SCNN1G: variants seen among roughly 807,000 people sequenced by gnomAD.
SCNN1G encodes the protein epithelial sodium channel subunit gamma.
Under a neutral mutation model 64.6 loss-of-function variants are expected in SCNN1G, and 27 were observed. The observed-to-expected ratio is 0.42, with a 90% CI of 0.31 to 0.58. The LOEUF is 0.58. Among genes scored for constraint, SCNN1G ranks in the 20% least tolerant of loss-of-function variants. The pLI is 0.18. For missense variants in SCNN1G, 743 were observed against 823.4 expected (o/e 0.90, Z 1.19); for synonymous variants, 330 against 314.2 (o/e 1.05, Z -0.53).
intron 4 of SCNN1G, among the ~76,000 whole-genome samples, chr16:23,193,176 A>G (rs1488267448): frequency 4.6e-5 from 7 of 151,630 alleles, no homozygotes; most frequent in Admixed American, 1.3e-4. Flanking sequence ...CTAACCTTGT[A>G]TATTACCATC....
At chr16:23,211,671 G>A (rs1960081178) in intron 7 of SCNN1G, among the ~76,000 whole-genome samples, 1 of 152,090 alleles carries the variant, frequency 6.6e-6, no homozygotes. Context: ...AATTAGCTGG[G>A]CATGGTGGTG....
chr16:23,186,547 G>A lies in SCNN1G; in HGVS notation c.276G>A (p.Leu92=), dbSNP rs1195430410. The A allele has an allele frequency of 1.2e-6, 2 of 1,613,530 alleles. No individual in the cohort carries two copies. Among genetic ancestry groups the A allele is most frequent in the East Asian group, 2.2e-5 (1 of 44,888 alleles). ...CCATCAAAGTCCACTTCCGGAAGCTGGATTTTCCTGCAGTCACCATCTGCA... is the reference window on the plus strand; with the variant it reads ...CCATCAAAGTCCACTTCCGGAAGCTAGATTTTCCTGCAGTCACCATCTGCA... ...SVSIKVHFRK[L]DFPAVTICNI... The change falls in exon 2 of 13, where the codon CTG becomes CTA. Residue 92 remains leucine (L), a synonymous_variant. Coordinates refer to ENST00000300061, the MANE Select transcript of SCNN1G (RefSeq NM_001039.4).
chr16:23,213,094 CGTTGT>C lies in SCNN1G; in HGVS notation c.1432-7_1432-3del. ...CCCTCAGGCCCACGCTTTCTCTCTC[CGTTGT>C]AGAAGTGGTTGCTGCCTGTTCTCAC... On this transcript the variant is annotated splice_polypyrimidine_tract_variant and splice_region_variant and intron_variant, in intron 10 of 12. Coordinates refer to ENST00000300061, the MANE Select transcript of SCNN1G (RefSeq NM_001039.4). The C allele has an allele frequency of 6.2e-7, 1 of 1,613,554 alleles. No homozygotes were observed. Among genetic ancestry groups the C allele is most frequent in the Non-Finnish European group, 8.5e-7 (1 of 1,179,508 alleles).
intron 6 of SCNN1G, among the ~76,000 whole-genome samples, chr16:23,205,920 G>A (rs1226880225): frequency 1.3e-5 from 2 of 152,160 alleles, no homozygotes; most frequent in Admixed American, 6.5e-5. Flanking sequence ...GTTGACTGGG[G>A]CTGGTAGACA....
intron 6 of SCNN1G, among the ~76,000 whole-genome samples, chr16:23,206,582 T>C (rs1596773983): frequency 6.6e-6 from 1 of 152,100 alleles, no homozygotes; most frequent in Admixed American, 6.5e-5. Flanking sequence ...ACCATTGCAC[T>C]CCAGCCTGGG....
intron 6 of SCNN1G, among the ~76,000 whole-genome samples, chr16:23,207,673 G>A (rs1283674769): frequency 6.6e-6 from 1 of 152,240 alleles, no homozygotes; most frequent in Non-Finnish European, 1.5e-5. Flanking sequence ...CTGGGAAAGA[G>A]GGGAGGCCAG....
intron 7 of SCNN1G, among the ~76,000 whole-genome samples, chr16:23,210,049 C>A (rs544041351): frequency 2.0e-5 from 3 of 152,194 alleles, no homozygotes; most frequent in Admixed American, 2.0e-4. Context: ...ATTGATACAC[C>A]GAGGTTTCTG....
chr16:23,210,877 A>C (rs1302580976), intron 7 of SCNN1G, among the ~76,000 whole-genome samples: 1 of 152,064 alleles, frequency 6.6e-6, no homozygotes, highest in Non-Finnish European at 1.5e-5. Context: ...AAAAAAAAAA[A>C]ATTTGTTTTA....
At chr16:23,197,777 G>T (rs1297723198) in intron 6 of SCNN1G, among the ~76,000 whole-genome samples, 1 of 152,018 alleles carries the variant, frequency 6.6e-6, no homozygotes, top group African/African-American at 2.4e-5. Flanking sequence ...TTACTAGGGA[G>T]GCTGAGGCAA....
chr16:23,209,723 G>A (rs765740566), intron 6 of SCNN1G, 27 bp from the exon 7 acceptor site: 2 of 1,565,590 alleles, frequency 1.3e-6, no homozygotes, highest in Non-Finnish European at 1.8e-6. Context: ...GGAGGACAGG[G>A]CTGAGTGTGT....
chr16:23,185,775 A>G (rs1959595884), intron 1 of SCNN1G, among the ~76,000 whole-genome samples: 1 of 152,206 alleles, frequency 6.6e-6, no homozygotes, highest in African/African-American at 2.4e-5. Flanking sequence ...GCTCTGTGCC[A>G]GACACTGTGC....
intron 6 of SCNN1G, 83 bp from the exon 7 acceptor site, chr16:23,209,667 G>A (rs1011646106): frequency 1.8e-5 from 18 of 991,496 alleles, no homozygotes; most frequent in East Asian, 1.2e-4. Context: ...TGCTTGCAAA[G>A]TCCCCTGTCT....
chr16:23,208,503 G>A (rs187119389), intron 6 of SCNN1G, among the ~76,000 whole-genome samples: 4 of 151,950 alleles, frequency 2.6e-5, no homozygotes, highest in Admixed American at 2.0e-4. Flanking sequence ...TCAACTTCTG[G>A]GACCAGAAAA....
chr16:23,205,653 T>G (rs1430036533), intron 6 of SCNN1G, among the ~76,000 whole-genome samples: 1 of 149,736 alleles, frequency 6.7e-6, no homozygotes, highest in African/African-American at 2.5e-5. Context: ...TGAGCTGAGA[T>G]CATGCCACTG....
At chr16:23,187,155 C>A (rs2141927887) in intron 2 of SCNN1G, among the ~76,000 whole-genome samples, 1 of 147,236 alleles carries the variant, frequency 6.8e-6, no homozygotes, top group Admixed American at 7.0e-5. Flanking sequence ...GTCACCCAAG[C>A]TGGAGTGCAG....
rs72646494 is a variant in SCNN1G at position 23,191,553 on chromosome 16, G to A, written c.619-799G>A. 9.4e-3 allele frequency among the ~76,000 whole-genome samples: 1,436 copies of A among 152,226 alleles called. 23 individuals are homozygous for A. Among genetic ancestry groups the A allele is most frequent in the African/African-American group, 0.032 (1,334 of 41,524 alleles). ...CAATTTTCCCACCTCAGCCTCCCAA[G>A]TAGCTTGGACTACAAGAATGCATCA... is the stretch of plus-strand genomic sequence containing the variant. On this transcript the variant is annotated intron_variant, in intron 3 of 12. Coordinates refer to ENST00000300061, the MANE Select transcript of SCNN1G (RefSeq NM_001039.4).
In SCNN1G at chr16:23,213,090, T is replaced by C; in HGVS notation, c.1432-12T>C. Reference sequence around the variant, plus strand: ...GGCACCCTCAGGCCCACGCTTTCTCTCTCCGTTGTAGAAGTGGTTGCTGCC... The same window carrying C: ...GGCACCCTCAGGCCCACGCTTTCTCCCTCCGTTGTAGAAGTGGTTGCTGCC... On this transcript the variant is annotated splice_polypyrimidine_tract_variant and intron_variant, in intron 10 of 12. Coordinates refer to ENST00000300061, the MANE Select transcript of SCNN1G (RefSeq NM_001039.4). 1.2e-6 allele frequency: 2 copies of C among 1,613,436 alleles called. No homozygotes were observed. The highest frequency in any genetic ancestry group is 8.5e-7 in the Non-Finnish European group (1 of 1,179,468).
chr16:23,215,230 G>A lies in SCNN1G; in HGVS notation c.1711G>A (p.Glu571Lys), dbSNP rs1166025319. ...IARRQWQKAK[E>K]WWAWKQAPPC... ...CCGCCGCCAGTGGCAGAAAGCCAAG[G>A]AGTGGTGGGCCTGGAAACAGGCTCC... Residue 571 changes from glutamate to lysine, a missense_variant, in exon 13 of 13, where the codon GAG (glutamate) becomes AAG (lysine). Glu to Lys is a moderately conservative substitution (Grantham distance 56). Coordinates refer to ENST00000300061, the MANE Select transcript of SCNN1G (RefSeq NM_001039.4). 1 of 1,614,192 alleles carries A rather than the reference G, an allele frequency of 6.2e-7. No individual in the cohort carries two copies. Among genetic ancestry groups the A allele is most frequent in the Non-Finnish European group, 8.5e-7 (1 of 1,180,036 alleles).
Position 23,186,580 on chromosome 16 carries a change from C to A in SCNN1G, c.309C>A (p.Asn103Lys). ...CTGCAGTCACCATCTGCAACATCAA[C>A]CCCTACAAGTAAGAGGCATGAGCAG... ...DFPAVTICNI[N>K]PYKYSTVRHL... is the part of the protein sequence containing the mutation. Residue 103 changes from asparagine (N) to lysine (K), a missense_variant, in exon 2 of 13, where the codon AAC (asparagine) becomes AAA (lysine). Transcript: ENST00000300061. The A allele has an allele frequency of 6.2e-7, 1 of 1,612,478 alleles. No homozygotes were observed. Among genetic ancestry groups the A allele is most frequent in the Non-Finnish European group, 8.5e-7 (1 of 1,179,942 alleles).
Sources: gnomAD v4.1 joint callset for allele counts (sites outside exome capture counted in the v4.1 genomes callset) on GRCh38, gnomAD v4.1.1 for gene constraint, MANE v1.5 for transcripts, NCBI Gene and HGNC (gene_info 2026-07-23, HGNC 2026-07-21) for gene names.